CDC73: variants seen among roughly 807,000 people sequenced by gnomAD.
The protein encoded by CDC73 is cell division cycle 73.
CDC73 carries 21 observed loss-of-function variants against 83.7 expected under a neutral mutation model. The ratio of observed to expected loss-of-function variants is 0.25; its 90% CI spans 0.18 to 0.36. The LOEUF (loss-of-function observed/expected upper bound fraction) is 0.36, where lower values mean the gene tolerates loss of function less well. Among genes scored for constraint, CDC73 ranks in the 10% least tolerant of loss-of-function variants. CDC73 has a pLI of 1.00. For synonymous variants in CDC73, 224 were observed against 212.9 expected, an observed-to-expected ratio of 1.05 and a Z score of -0.45; for missense variants, 342 against 653.3, an observed-to-expected ratio of 0.52 and a Z score of 5.19.
At chr1:193,184,860 T>TA (rs1489542776) in intron 10 of CDC73, among the ~76,000 whole-genome samples, 1 of 151,988 alleles carries the variant, frequency 6.6e-6, no homozygotes, top group Non-Finnish European at 1.5e-5. Context: ...ATGCAGTACT[T>TA]ACATATTTTT....
intron 15 of CDC73, among the ~76,000 whole-genome samples, chr1:193,237,481 G>A: frequency 6.6e-6 from 1 of 152,134 alleles, no homozygotes; most frequent in East Asian, 1.9e-4. Context: ...CTCTTACCCG[G>A]AGCCTGATAG....
chr1:193,196,655 T>C (rs1288301284), intron 10 of CDC73, among the ~76,000 whole-genome samples: 1 of 152,202 alleles, frequency 6.6e-6, no homozygotes, highest in Non-Finnish European at 1.5e-5. Flanking sequence ...AGTGTACAAG[T>C]CTTTTGTTTC....
chr1:193,124,889 G>A (rs997386076), intron 1 of CDC73, among the ~76,000 whole-genome samples: 31 of 152,248 alleles, frequency 2.0e-4, no homozygotes, highest in African/African-American at 7.2e-4. Flanking sequence ...GTACCTTAGA[G>A]TATGAATTTT....
In CDC73 at chr1:193,170,926, T is replaced by C. The variant is rs779796489; in HGVS notation, c.972+18482T>C. Among the ~76,000 whole-genome samples, 93 of 152,302 alleles carry C rather than the reference T, an allele frequency of 6.1e-4. 1 individual carries two copies. The highest frequency in any genetic ancestry group is 5.6e-3 in the Admixed American group (85 of 15,298). Reference sequence around the variant, plus strand: ...GGGCACAGCCACATTTTGTGGGAGATGCATTTCAGCATCAGGAGGCAGTTA... The same window carrying C: ...GGGCACAGCCACATTTTGTGGGAGACGCATTTCAGCATCAGGAGGCAGTTA... On this transcript the variant is annotated intron_variant, in intron 10 of 16. Transcript: ENST00000367435.
chr1:193,165,769 A>T (rs1572170615), intron 10 of CDC73, among the ~76,000 whole-genome samples: 2 of 152,346 alleles, frequency 1.3e-5, no homozygotes, highest in East Asian at 3.9e-4. Flanking sequence ...TATGCATAAA[A>T]TTGATCAAAA....
intron 10 of CDC73, among the ~76,000 whole-genome samples, chr1:193,188,469 G>A (rs978774256): frequency 8.6e-5 from 13 of 151,048 alleles, no homozygotes; most frequent in African/African-American, 2.2e-4. Flanking sequence ...GAACACTGGC[G>A]CAGCATACCC....
intron 11 of CDC73, among the ~76,000 whole-genome samples, chr1:193,209,175 A>C (rs909927586): frequency 6.6e-6 from 1 of 152,214 alleles, no homozygotes; most frequent in African/African-American, 2.4e-5. Flanking sequence ...TTTCTTAAGA[A>C]TCTAATTTAT....
At position 193,204,321 on chromosome 1, in the gene CDC73, G is replaced by A. The variant is rs1225765954; in HGVS notation, c.1030+469G>A. The stretch of plus-strand genomic sequence containing the variant: ...TTTTCTTTTTTTGAGACAGAGTCTT[G>A]CTCTGTCACCCAGGCTGGAGTACAC... On this transcript the variant is annotated intron_variant, in intron 11 of 16. Coordinates refer to ENST00000367435, the MANE Select transcript of CDC73 (RefSeq NM_024529.5). Among the ~76,000 whole-genome samples the A allele has an allele frequency of 2.2e-5, 3 of 138,810 alleles. No homozygotes were observed. The Admixed American group carries it at 2.3e-4, about 11-fold the overall frequency. 91.1% of individuals were successfully genotyped at this position (138,810 alleles called of 152,430 possible).
intron 6 of CDC73, among the ~76,000 whole-genome samples, chr1:193,140,870 G>A (rs1675894811): frequency 6.6e-6 from 1 of 152,184 alleles, no homozygotes; most frequent in Non-Finnish European, 1.5e-5. Flanking sequence ...CCAAACAGGA[G>A]TACTGTATTT....
chr1:193,230,455 GTATTTTTTT>G lies in CDC73; in HGVS notation c.1155-2536_1155-2528del, dbSNP rs765041312. Among the ~76,000 whole-genome samples the G allele has an allele frequency of 1.1e-4, 11 of 104,692 alleles. No homozygotes were observed. The East Asian group carries it at 1.2e-3, about 11-fold the overall frequency. 68.7% of individuals were successfully genotyped at this position (104,692 alleles called of 152,430 possible). On this transcript the variant is annotated intron_variant, in intron 13 of 16. Transcript: ENST00000367435. Reference sequence around the variant, plus strand: ...AGCCACTGCACCTCGCCCTAATCCCGTATTTTTTTTTTTTTTTTTTTTTTTTTTTTGCAA... The same window carrying G: ...AGCCACTGCACCTCGCCCTAATCCCGTTTTTTTTTTTTTTTTTTTTTGCAA...
At chr1:193,244,706 C>T (rs1311944693) in intron 15 of CDC73, among the ~76,000 whole-genome samples, 1 of 152,226 alleles carries the variant, frequency 6.6e-6, no homozygotes, top group Non-Finnish European at 1.5e-5. Flanking sequence ...TCTCCCAAAT[C>T]TTTGCAAGAC....
chr1:193,203,126 C>A (rs1029319082), intron 10 of CDC73, among the ~76,000 whole-genome samples: 2 of 152,072 alleles, frequency 1.3e-5, no homozygotes, highest in Non-Finnish European at 2.9e-5. Context: ...TTTTAAGAAT[C>A]TTAAGCATTT....
chr1:193,173,828 T>G (rs1437184758), intron 10 of CDC73, among the ~76,000 whole-genome samples: 5 of 152,202 alleles, frequency 3.3e-5, no homozygotes, highest in Admixed American at 6.5e-5. Context: ...GCTTCTTTAC[T>G]AATGCATTAT....
At position 193,250,769 on chromosome 1, in the gene CDC73, G is replaced by A; in HGVS notation, c.*57G>A. The A allele has an allele frequency of 6.9e-7, 1 of 1,439,352 alleles. No individual in the cohort carries two copies. The highest frequency in any genetic ancestry group is 1.7e-5 in the Admixed American group (1 of 59,266). The allele number at this position is 1,439,352 out of a possible 1,614,324, so 89.2% of individuals were successfully genotyped here. ...GACTCAAGCTTTATGAATTTATCAAGAACTTAAAAATGAAGAAGGTCACAG... is the reference window on the plus strand; with the variant it reads ...GACTCAAGCTTTATGAATTTATCAAAAACTTAAAAATGAAGAAGGTCACAG... On this transcript the variant is annotated 3_prime_UTR_variant, in exon 17 of 17. Coordinates refer to ENST00000367435, the MANE Select transcript of CDC73 (RefSeq NM_024529.5).
At chr1:193,126,748 T>A in intron 2 of CDC73, among the ~76,000 whole-genome samples, 1 of 152,238 alleles carries the variant, frequency 6.6e-6, no homozygotes, top group East Asian at 1.9e-4. Context: ...TTCTTATAGT[T>A]CTTAAAACAA....
chr1:193,126,632 A>C (rs1675578449), intron 2 of CDC73, among the ~76,000 whole-genome samples: 1 of 152,184 alleles, frequency 6.6e-6, no homozygotes, highest in Non-Finnish European at 1.5e-5. Context: ...TTGAAGATAT[A>C]ATTGAAATAA....
At chr1:193,189,302 G>A (rs1429484423) in intron 10 of CDC73, among the ~76,000 whole-genome samples, 1 of 152,166 alleles carries the variant, frequency 6.6e-6, no homozygotes, top group Non-Finnish European at 1.5e-5. Flanking sequence ...TTTACGTAAA[G>A]TTCAGGAAAA....
intron 13 of CDC73, among the ~76,000 whole-genome samples, chr1:193,220,851 G>T (rs1321460632): frequency 6.6e-6 from 1 of 152,132 alleles, no homozygotes; most frequent in Admixed American, 6.5e-5. Flanking sequence ...CCTTGAAATA[G>T]ATATGATAAT....
chr1:193,204,226 T>TATATAC (rs1558309988), intron 11 of CDC73, among the ~76,000 whole-genome samples: 1 of 12,620 alleles, frequency 7.9e-5, no homozygotes, highest in Non-Finnish European at 1.9e-4. Flanking sequence ...TGTATATATA[T>TATATAC]GTATATATAC....
Sources: allele counts gnomAD v4.1 joint callset (sites outside exome capture counted in the v4.1 genomes callset), GRCh38; gene constraint gnomAD v4.1.1; transcripts MANE v1.5; gene names NCBI Gene and HGNC (gene_info 2026-07-23, HGNC 2026-07-21).